The following ARHGAP35 variants were observed in gnomAD, a reference collection of about 807,000 sequenced individuals.
ARHGAP35 encodes Rho GTPase activating protein 35.
ARHGAP35 carries 15 observed loss-of-function variants against 111.1 expected under a neutral mutation model. The observed-to-expected ratio is 0.13, with a 90% CI of 0.09 to 0.21. The LOEUF (loss-of-function observed/expected upper bound fraction) is 0.21, where lower values mean the gene tolerates loss of function less well. ARHGAP35 is among the 10% of genes least tolerant of loss of function. ARHGAP35 has a pLI of 1.00. For synonymous variants in ARHGAP35, 643 were observed against 710.3 expected (o/e 0.91, Z 1.51); for missense variants, 1,262 against 1,873.0 (o/e 0.67, Z 6.02).
chr19:46,869,404 G>A (rs1284503524), intron 1 of ARHGAP35, among the ~76,000 whole-genome samples: 2 of 152,000 alleles, frequency 1.3e-5, no homozygotes, highest in Non-Finnish European at 2.9e-5. Context: ...GGTAAAGGCT[G>A]CAGTGAGCCA....
In ARHGAP35 at chr19:46,992,160, T is replaced by C. The variant is rs2056682721; in HGVS notation, c.4036+2485T>C. ...TGTGCCTGCCTAGGCTGGGCCCGGCTCTCCACGAGGCACTTGATTCCCACC... is the reference window on the plus strand; with the variant it reads ...TGTGCCTGCCTAGGCTGGGCCCGGCCCTCCACGAGGCACTTGATTCCCACC... On this transcript the variant is annotated intron_variant, in intron 5 of 6. Transcript: ENST00000672722. This position sits in a 1 kb window ranked among gnomAD's most constrained non-coding sequence, Gnocchi z 4.4. Among the ~76,000 whole-genome samples the C allele has an allele frequency of 6.6e-6, 1 of 152,118 alleles. No homozygotes were observed. The highest frequency in any genetic ancestry group is 1.5e-5 in the Non-Finnish European group (1 of 68,014).
At chr19:46,874,181 A>G (rs1313991947) in intron 1 of ARHGAP35, among the ~76,000 whole-genome samples, 1 of 152,210 alleles carries the variant, frequency 6.6e-6, no homozygotes, top group Non-Finnish European at 1.5e-5. Context: ...TCCAGAGGAT[A>G]GAGGTAGAGG....
At chr19:46,977,447 CTT>C (rs1473722624) in intron 3 of ARHGAP35, among the ~76,000 whole-genome samples, 2 of 152,358 alleles carry the variant, frequency 1.3e-5, no homozygotes, top group African/African-American at 4.8e-5. Flanking sequence ...AGAACAAACA[CTT>C]GAGTCGCCTT....
chr19:46,925,890 A>G (rs1463511233), intron 2 of ARHGAP35, among the ~76,000 whole-genome samples: 2 of 152,216 alleles, frequency 1.3e-5, no homozygotes, highest in Non-Finnish European at 2.9e-5. Flanking sequence ...ACTAGACCCC[A>G]GAGAATGAGT....
Position 47,001,326 on chromosome 19 carries a change from C to G in ARHGAP35, c.*638C>G. ...GACTCCCCGCTTCATCCCCACCGTC[C>G]CACTCCACAGCCTTCCCGAAACATT... On this transcript the variant is annotated 3_prime_UTR_variant, in exon 7 of 7. Coordinates refer to ENST00000672722, the MANE Select transcript of ARHGAP35 (RefSeq NM_004491.5). This position sits in a 1 kb window ranked among gnomAD's most constrained non-coding sequence, Gnocchi z 5.4. 1 of 1,290,426 alleles carries G rather than the reference C, an allele frequency of 7.7e-7. No homozygotes were observed. The highest frequency in any genetic ancestry group is 1.0e-6 in the Non-Finnish European group (1 of 989,238). 79.9% of individuals were successfully genotyped at this position (1,290,426 alleles called of 1,614,324 possible).
In ARHGAP35 at chr19:46,994,848, G is replaced by T. The variant is rs2056698822; in HGVS notation, c.4037-4456G>T. ...TGAACAAATGACCCAAGGAGGAGGG[G>T]CCTCCCAAATCCGAGAATGAAAGAA... On this transcript the variant is annotated intron_variant, in intron 5 of 6. Transcript: ENST00000672722. The surrounding 1 kb of genome is among the most constrained non-coding windows in gnomAD (Gnocchi z 5.4). Among the ~76,000 whole-genome samples the T allele has an allele frequency of 6.6e-6, 1 of 152,182 alleles. No individual in the cohort carries two copies. Among genetic ancestry groups the T allele is most frequent in the Non-Finnish European group, 1.5e-5 (1 of 68,026 alleles).
At chr19:46,881,201 A>G (rs1021335907) in intron 1 of ARHGAP35, among the ~76,000 whole-genome samples, 7 of 152,054 alleles carry the variant, frequency 4.6e-5, no homozygotes, top group Admixed American at 3.9e-4. Flanking sequence ...CGGCCTCCCA[A>G]AGTGCAGGGA....
At chr19:46,983,385 C>T (rs1324528534) in intron 3 of ARHGAP35, among the ~76,000 whole-genome samples, 4 of 152,166 alleles carry the variant, frequency 2.6e-5, no homozygotes, top group Admixed American at 1.3e-4. Context: ...AAGCACTTAG[C>T]ACCGTGTGCC....
intron 5 of ARHGAP35, among the ~76,000 whole-genome samples, chr19:46,998,693 C>G (rs569046113): frequency 2.0e-5 from 3 of 152,262 alleles, no homozygotes; most frequent in African/African-American, 7.2e-5. Flanking sequence ...TTCCCTCCCC[C>G]AGGACATTAG....
At chr19:46,923,410 G>A (rs767235147) in intron 2 of ARHGAP35, among the ~76,000 whole-genome samples, 1 of 152,016 alleles carries the variant, frequency 6.6e-6, no homozygotes, top group Non-Finnish European at 1.5e-5. Flanking sequence ...CACCGCGCCC[G>A]GCTGCAGATG....
At chr19:46,929,272 C>G (rs1422988571) in intron 2 of ARHGAP35, among the ~76,000 whole-genome samples, 1 of 152,098 alleles carries the variant, frequency 6.6e-6, no homozygotes, top group Non-Finnish European at 1.5e-5. Context: ...GGAGCATAAG[C>G]AAATAACTTA....
intron 1 of ARHGAP35, among the ~76,000 whole-genome samples, chr19:46,861,732 C>T (rs192767290): frequency 9.5e-4 from 145 of 152,210 alleles, no homozygotes; most frequent in African/African-American, 3.3e-3. Context: ...CTGTCCTCGG[C>T]CCCTTCTTTG....
chr19:46,963,567 C>G (rs553133504), intron 3 of ARHGAP35, among the ~76,000 whole-genome samples: 4 of 152,320 alleles, frequency 2.6e-5, no homozygotes, highest in Non-Finnish European at 5.9e-5. Flanking sequence ...CTTTGCCGTC[C>G]CTCCTGTGGA....
intron 3 of ARHGAP35, among the ~76,000 whole-genome samples, chr19:46,954,650 C>A (rs533306296): frequency 6.6e-6 from 1 of 152,334 alleles, no homozygotes; most frequent in East Asian, 1.9e-4. Context: ...CCCCAGTTTG[C>A]GTTCTTTCAC....
chr19:46,918,787 T>C lies in ARHGAP35; in HGVS notation c.112T>C (p.Leu38=), dbSNP rs370199472. ...KGQCGIGKSC[L]CNRFVRPSAD... ...CCAGTGTGGGATTGGAAAGTCTTGT[T>C]TGTGCAACCGCTTCGTGCGCCCGAG... The change falls in exon 2 of 7, where the codon TTG becomes CTG. Residue 38 remains leucine, a synonymous_variant. Transcript: ENST00000672722. The surrounding 1 kb of genome is among the most constrained non-coding windows in gnomAD (Gnocchi z 5.4). The C allele has an allele frequency of 3.1e-6, 5 of 1,613,912 alleles. No individual in the cohort carries two copies. The highest frequency in any genetic ancestry group is 1.6e-4 in the Middle Eastern group (1 of 6,082).
chr19:46,966,873 G>T (rs1378852854), intron 3 of ARHGAP35, among the ~76,000 whole-genome samples: 2 of 152,186 alleles, frequency 1.3e-5, no homozygotes, highest in African/African-American at 2.4e-5. Context: ...CCATGAGGCT[G>T]CAGGGGTTAG....
intron 5 of ARHGAP35, among the ~76,000 whole-genome samples, chr19:46,990,010 C>T (rs2122341687): frequency 6.6e-6 from 1 of 152,182 alleles, no homozygotes; most frequent in East Asian, 1.9e-4. Context: ...TGTTACCATC[C>T]CTACTCCTGC....
chr19:46,922,039 A>C lies in ARHGAP35; in HGVS notation c.3364A>C (p.Ile1122Leu), dbSNP rs778762673. Residue 1122 changes from isoleucine (I) to leucine (L), a missense_variant, in exon 2 of 7, where the codon ATC (isoleucine) becomes CTC (leucine). Around this residue, in one of 8 missense-constraint regions of ARHGAP35, gnomAD observed 579 missense variants for 716.9 expected, o/e 0.81. Coordinates refer to ENST00000672722, the MANE Select transcript of ARHGAP35 (RefSeq NM_004491.5). The surrounding 1 kb of genome is among the most constrained non-coding windows in gnomAD (Gnocchi z 4.0). The stretch of plus-strand genomic sequence containing the variant: ...AGGCAAAATCATCACCATTCGGAAT[A>C]TCAACAAAGCCCAGTCCAACGGCAG... ...TQGKIITIRN[I>L]NKAQSNGSGN... 9.9e-6 allele frequency: 16 copies of C among 1,613,942 alleles called. No homozygotes were observed. The highest frequency in any genetic ancestry group is 4.0e-5 in the African/African-American group (3 of 74,948).
chr19:46,918,777 A>C lies in ARHGAP35; in HGVS notation c.102A>C (p.Gly34=), dbSNP rs1288942405. 2.5e-6 allele frequency: 4 copies of C among 1,613,970 alleles called. No individual in the cohort carries two copies. The highest frequency in any genetic ancestry group is 3.4e-6 in the Non-Finnish European group (4 of 1,179,894). Residue 34 remains glycine, a synonymous_variant, in exon 2 of 7, where the codon GGA becomes GGC. Coordinates refer to ENST00000672722, the MANE Select transcript of ARHGAP35 (RefSeq NM_004491.5). This position sits in a 1 kb window ranked among gnomAD's most constrained non-coding sequence, Gnocchi z 5.4. ...AGGAAAAGGGCCAGTGTGGGATTGGAAAGTCTTGTTTGTGCAACCGCTTCG... is the reference window on the plus strand; with the variant it reads ...AGGAAAAGGGCCAGTGTGGGATTGGCAAGTCTTGTTTGTGCAACCGCTTCG... The part of the protein sequence containing the change: ...TEKEKGQCGI[G]KSCLCNRFVR...
Sources: gnomAD v4.1 joint callset for allele counts (sites outside exome capture counted in the v4.1 genomes callset) on GRCh38, gnomAD v4.1.1 for gene constraint, gnomAD v4.1.1 regional missense constraint, Gnocchi (gnomAD v3.1) non-coding constraint, MANE v1.5 for transcripts, NCBI Gene and HGNC (gene_info 2026-07-23, HGNC 2026-07-21) for gene names.